Variants in UTRN observed in about 807,000 individuals in gnomAD.
UTRN encodes the protein utrophin.
UTRN carries 283 observed loss-of-function variants against 463.9 expected under a neutral mutation model. The observed-to-expected ratio is 0.61, with a 90% CI of 0.55 to 0.67. The LOEUF (loss-of-function observed/expected upper bound fraction) is 0.67. UTRN is among the 30% of genes least tolerant of loss of function. The probability of loss-of-function intolerance (pLI) is 0.00; values close to 1 mark genes in which losing one functional copy is unlikely to be tolerated. For missense variants in UTRN, 3,922 were observed against 4,084.3 expected (o/e 0.96, Z 1.08); for synonymous variants, 1,442 against 1,431.5 (o/e 1.01, Z -0.17).
Position 144,523,120 on chromosome 6 carries a change from C to T in UTRN, c.5838C>T (p.Ile1946=), listed in dbSNP as rs771653885. The T allele has an allele frequency of 2.5e-6, 4 of 1,613,214 alleles. No homozygotes were observed. The highest frequency in any genetic ancestry group is 1.6e-4 in the Middle Eastern group (1 of 6,080). Residue 1946 remains isoleucine (I), a synonymous_variant, in exon 41 of 75, where the codon ATC becomes ATT. Transcript: ENST00000367545. ...LEASGPEAIQ[I]RDTLTQLNAK... Reference sequence around the variant, plus strand: ...CCTCTGGACCTGAAGCCATTCAGATCAGAGATACACTTACTCAGCTGAATG... The same window carrying T: ...CCTCTGGACCTGAAGCCATTCAGATTAGAGATACACTTACTCAGCTGAATG...
At chr6:144,769,087 C>T (rs1269739552) in intron 58 of UTRN, among the ~76,000 whole-genome samples, 1 of 151,568 alleles carries the variant, frequency 6.6e-6, no homozygotes, top group African/African-American at 2.4e-5. Context: ...AAGTCCCACT[C>T]CCTGTTCATA....
In UTRN at chr6:144,534,622, T is replaced by C. The variant is rs1405362053; in HGVS notation, c.6233+1362T>C. Among the ~76,000 whole-genome samples the C allele has an allele frequency of 2.0e-5, 3 of 152,242 alleles. No homozygotes were observed. In the East Asian group the frequency reaches 5.8e-4, roughly 29 times the overall value. The stretch of plus-strand genomic sequence containing the variant: ...TATCTTAGAACTTATTCTCTAAGCA[T>C]ATTGCTGAATTTTGCCAATGATTGA... On this transcript the variant is annotated intron_variant, in intron 43 of 74. Coordinates refer to ENST00000367545, the MANE Select transcript of UTRN (RefSeq NM_007124.3).
intron 50 of UTRN, among the ~76,000 whole-genome samples, chr6:144,562,200 A>C (rs778144408): frequency 2.6e-5 from 4 of 152,094 alleles, no homozygotes; most frequent in Non-Finnish European, 5.9e-5. Flanking sequence ...TATTTAAAAA[A>C]ATATTTTATT....
At chr6:144,429,396 AAAAT>A (rs1336102954) in intron 8 of UTRN, among the ~76,000 whole-genome samples, 181 bp from the exon 9 acceptor site, 1 of 152,196 alleles carries the variant, frequency 6.6e-6, no homozygotes, top group African/African-American at 2.4e-5. Flanking sequence ...ATACTGAACA[AAAAT>A]AAGTAATCCC....
At chr6:144,496,304 T>C (rs1235194927) in intron 33 of UTRN, among the ~76,000 whole-genome samples, 1 of 152,216 alleles carries the variant, frequency 6.6e-6, no homozygotes, top group Non-Finnish European at 1.5e-5. Context: ...TTGTTTTCAG[T>C]TGAAATCAGA....
intron 18 of UTRN, 129 bp from the exon 19 acceptor site, chr6:144,453,653 T>C: frequency 1.5e-6 from 1 of 683,720 alleles, no homozygotes; most frequent in East Asian, 2.7e-5. Context: ...GTTGCTATGA[T>C]TACGTTTGAA....
intron 18 of UTRN, among the ~76,000 whole-genome samples, chr6:144,452,603 T>C (rs1231024425): frequency 6.6e-6 from 1 of 151,760 alleles, no homozygotes; most frequent in Non-Finnish European, 1.5e-5. Flanking sequence ...TATCAAACTA[T>C]AGAGATAAAA....
At chr6:144,339,974 C>G (rs1777020497) in intron 2 of UTRN, among the ~76,000 whole-genome samples, 1 of 152,144 alleles carries the variant, frequency 6.6e-6, no homozygotes, top group Admixed American at 6.5e-5. Context: ...TTGAGACCAG[C>G]CTGACCAACA....
chr6:144,461,147 T>C, intron 21 of UTRN, 50 bp from the exon 22 acceptor site: 1 of 1,480,368 alleles, frequency 6.8e-7, no homozygotes, highest in Non-Finnish European at 9.1e-7. Context: ...TATGTAATAA[T>C]ATTGGTTCCT....
chr6:144,377,147 C>T (rs540543725), intron 2 of UTRN, among the ~76,000 whole-genome samples: 4 of 152,228 alleles, frequency 2.6e-5, no homozygotes, highest in East Asian at 3.9e-4. Flanking sequence ...AAGTGATTCT[C>T]GTGCCTCAGC....
chr6:144,516,399 G>A lies in UTRN; in HGVS notation c.5403+12G>A, dbSNP rs1795609978. ...ATGAAGATGAAAAGGTTGGTTCAAG[G>A]AGATTTCAAAACCATGGTGGTCTCA... On this transcript the variant is annotated intron_variant, in intron 38 of 74. Transcript: ENST00000367545. The A allele has an allele frequency of 6.2e-7, 1 of 1,605,232 alleles. No individual in the cohort carries two copies. Among genetic ancestry groups the A allele is most frequent in the South Asian group, 1.1e-5 (1 of 89,526 alleles).
intron 53 of UTRN, among the ~76,000 whole-genome samples, chr6:144,707,687 T>A (rs1345065287): frequency 6.6e-6 from 1 of 152,222 alleles, no homozygotes; most frequent in Non-Finnish European, 1.5e-5. Context: ...AGCCACAGAT[T>A]GGTAGGCCCC....
intron 2 of UTRN, among the ~76,000 whole-genome samples, chr6:144,299,045 G>T (rs1002833765): frequency 2.6e-5 from 4 of 152,202 alleles, no homozygotes; most frequent in Admixed American, 6.5e-5. Context: ...TTGTTCACTT[G>T]CCCCTCAAAG....
At position 144,755,037 on chromosome 6, in the gene UTRN, T is replaced by C. The variant is rs79224801; in HGVS notation, c.8434+239T>C. The stretch of plus-strand genomic sequence containing the variant: ...ACTCATCTTTAGCTATGGTTTCTCA[T>C]TGGAATGTCTGATAACTAACATAGT... On this transcript the variant is annotated intron_variant, in intron 57 of 74. Coordinates refer to ENST00000367545, the MANE Select transcript of UTRN (RefSeq NM_007124.3). Among the ~76,000 whole-genome samples, 25 of 152,262 alleles carry C rather than the reference T, an allele frequency of 1.6e-4. No individual in the cohort carries two copies. The East Asian group carries it at 4.9e-3, about 30-fold the overall frequency.
chr6:144,421,635 G>A (rs1476878744), intron 3 of UTRN, among the ~76,000 whole-genome samples: 2 of 151,838 alleles, frequency 1.3e-5, no homozygotes, highest in African/African-American at 4.8e-5. Flanking sequence ...GTTGCAGTGA[G>A]CTGAGATCAC....
intron 50 of UTRN, 112 bp downstream of exon 50, chr6:144,557,423 T>A: frequency 1.9e-6 from 2 of 1,046,048 alleles, no homozygotes; most frequent in Middle Eastern, 3.3e-4. Context: ...TACATTTTAT[T>A]ATTATGTATT....
intron 2 of UTRN, among the ~76,000 whole-genome samples, chr6:144,314,380 A>G (rs1775141839): frequency 6.6e-6 from 1 of 152,170 alleles, no homozygotes; most frequent in South Asian, 2.1e-4. Context: ...CAGACCCAGG[A>G]CCTGGATGCT....
Position 144,473,794 on chromosome 6 carries a change from A to C in UTRN, c.3141A>C (p.Gly1047=). ...DFLMKQQAAQ[G]DDAGLQRQLD... ...TAATGAAACAGCAGGCTGCCCAAGG[A>C]GACGACGCAGGTCTACAGAGGCAGT... Residue 1047 remains glycine, a synonymous_variant, in exon 24 of 75, where the codon GGA becomes GGC. Transcript: ENST00000367545. 1 of 1,614,168 alleles carries C rather than the reference A, an allele frequency of 6.2e-7. No homozygotes were observed. The highest frequency in any genetic ancestry group is 8.5e-7 in the Non-Finnish European group (1 of 1,180,028).
Position 144,491,109 on chromosome 6 carries a change from C to A in UTRN, c.4437+7C>A. Reference sequence around the variant, plus strand: ...GCACCTGGACAAGTGTATGGTGAGGCTTTTGGGTGATTGGCACATCCAGTG... The same window carrying A: ...GCACCTGGACAAGTGTATGGTGAGGATTTTGGGTGATTGGCACATCCAGTG... On this transcript the variant is annotated splice_region_variant and intron_variant, in intron 32 of 74. Coordinates refer to ENST00000367545, the MANE Select transcript of UTRN (RefSeq NM_007124.3). 6.3e-7 allele frequency: 1 copy of A among 1,588,906 alleles called. No individual in the cohort carries two copies. The highest frequency in any genetic ancestry group is 1.1e-5 in the South Asian group (1 of 87,574).
Sources: gnomAD v4.1 joint callset for allele counts (sites outside exome capture counted in the v4.1 genomes callset) on GRCh38, gnomAD v4.1.1 for gene constraint, MANE v1.5 for transcripts, NCBI Gene and HGNC (gene_info 2026-07-23, HGNC 2026-07-21) for gene names.